CDK4: variants seen among roughly 807,000 people sequenced by gnomAD.
The protein encoded by CDK4 is cyclin dependent kinase 4, also known as cyclin-dependent kinase 4.
In CDK4, 13 loss-of-function variants were observed where a neutral mutation model predicts 36.7. The ratio of observed to expected loss-of-function variants is 0.35; its 90% CI spans 0.23 to 0.56. The LOEUF is 0.56. Among genes scored for constraint, CDK4 ranks in the 20% least tolerant of loss-of-function variants. The probability of loss-of-function intolerance (pLI) is 0.85; values close to 1 mark genes in which losing one functional copy is unlikely to be tolerated. For missense variants in CDK4, 285 were observed against 387.3 expected (o/e 0.74, Z 2.22); for synonymous variants, 158 against 146.4 (o/e 1.08, Z -0.57).
At position 57,748,857 on chromosome 12, in the gene CDK4, C is replaced by G. The variant is rs962894078; in HGVS notation, c.820-240G>C. ...AGTAGCTGAGATTACAGGCGTGTGC[C>G]ACCACCCCCGGCTTATTTTTGTACT... On this transcript the variant is annotated intron_variant, in intron 7 of 7. Coordinates refer to ENST00000257904, the MANE Select transcript of CDK4 (RefSeq NM_000075.4). The G allele has an allele frequency of 2.5e-5, 14 of 554,440 alleles. No individual in the cohort carries two copies. In the African/African-American group the frequency reaches 2.6e-4, roughly 10 times the overall value. 34.3% of individuals were successfully genotyped at this position (554,440 alleles called of 1,614,324 possible).
intron 5 of CDK4, chr12:57,750,052 G>A (rs1955215040): frequency 6.2e-6 from 1 of 160,654 alleles, no homozygotes; most frequent in African/African-American, 2.4e-5. Context: ...TACTCAAGAG[G>A]CTGAGATGGG....
intron 7 of CDK4, 164 bp downstream of exon 7, chr12:57,749,018 C>T (rs934245205): frequency 5.4e-6 from 5 of 933,532 alleles, no homozygotes; most frequent in Non-Finnish European, 8.5e-6. Flanking sequence ...GATGGGTTCT[C>T]TTCTATATCC....
chr12:57,749,806 G>C (rs890778836), intron 5 of CDK4: 1 of 441,262 alleles, frequency 2.3e-6, no homozygotes, highest in East Asian at 4.4e-5. Context: ...AGACCATCCT[G>C]GCCAACATGG....
chr12:57,749,541 C>T (rs377641645), intron 5 of CDK4, 37 bp from the exon 6 acceptor site: 23 of 1,597,442 alleles, frequency 1.4e-5, no homozygotes, highest in Non-Finnish European at 2.0e-5. Flanking sequence ...CAGTCATTTT[C>T]AAAGATATCT....
In CDK4 at chr12:57,751,661, T is replaced by C. The variant is rs1403115261; in HGVS notation, c.57A>G (p.Thr19=). The part of the protein sequence containing the change: ...VAEIGVGAYG[T]VYKARDPHSG... ...TGTGGGGATCACGGGCCTTGTACAC[T>C]GTCCCATAGGCACCGACACCAATTT... The change falls in exon 2 of 8, where the codon ACA becomes ACG. Residue 19 remains threonine (T), a synonymous_variant. Coordinates refer to ENST00000257904, the MANE Select transcript of CDK4 (RefSeq NM_000075.4). The surrounding 1 kb of genome is among the most constrained non-coding windows in gnomAD (Gnocchi z 4.5). 6.2e-7 allele frequency: 1 copy of C among 1,614,190 alleles called. No individual in the cohort carries two copies. Among genetic ancestry groups the C allele is most frequent in the Non-Finnish European group, 8.5e-7 (1 of 1,180,046 alleles).
chr12:57,750,651 C>G lies in CDK4; in HGVS notation c.632+5G>C. Reference sequence around the variant, plus strand: ...AAGGTAGTCCAGGGTATGTGGGTCCCATACTTTCGACGAAACATCTCTGCA... The same window carrying G: ...AAGGTAGTCCAGGGTATGTGGGTCCGATACTTTCGACGAAACATCTCTGCA... On this transcript the variant is annotated splice_donor_5th_base_variant and intron_variant, in intron 5 of 7. Transcript: ENST00000257904. 1 of 1,597,954 alleles carries G rather than the reference C, an allele frequency of 6.3e-7. No individual in the cohort carries two copies. The highest frequency in any genetic ancestry group is 8.6e-7 in the Non-Finnish European group (1 of 1,165,194).
Position 57,751,273 on chromosome 12 carries a change from T to C in CDK4, c.288A>G (p.Val96=), listed in dbSNP as rs754092304. The C allele has an allele frequency of 1.9e-6, 3 of 1,614,118 alleles. No individual in the cohort carries two copies. The highest frequency in any genetic ancestry group is 2.5e-6 in the Non-Finnish European group (3 of 1,180,046). Residue 96 remains valine (V), a synonymous_variant, in exon 3 of 8, where the codon GTA becomes GTG. Transcript: ENST00000257904. The surrounding 1 kb of genome is among the most constrained non-coding windows in gnomAD (Gnocchi z 4.5). Reference sequence around the variant, plus strand: ...CCAGATATGTCCTTAGGTCCTGGTCTACATGCTCAAACACCAGGGTTACCT... The same window carrying C: ...CCAGATATGTCCTTAGGTCCTGGTCCACATGCTCAAACACCAGGGTTACCT... ...EIKVTLVFEH[V]DQDLRTYLDK...
chr12:57,750,196 TAAAA>T (rs2069503), intron 5 of CDK4: 4,049 of 118,774 alleles, frequency 0.034, 66 homozygotes, highest in Middle Eastern at 0.076. Context: ...AATAAATAAA[TAAAA>T]AATAAAGAGA....
Position 57,750,688 on chromosome 12 carries a change from A to G in CDK4, c.600T>C (p.Val200=), listed in dbSNP as rs2140385676. 6.2e-7 allele frequency: 1 copy of G among 1,614,064 alleles called. No homozygotes were observed. Among genetic ancestry groups the G allele is most frequent in the Non-Finnish European group, 8.5e-7 (1 of 1,179,882 alleles). The change falls in exon 5 of 8, where the codon GTT becomes GTC. Residue 200 remains valine, a synonymous_variant. Coordinates refer to ENST00000257904, the MANE Select transcript of CDK4 (RefSeq NM_000075.4). Reference sequence around the variant, plus strand: ...GAAACATCTCTGCAAAGATACAGCCAACACTCCACATGTCCACAGGTGTTG... The same window carrying G: ...GAAACATCTCTGCAAAGATACAGCCGACACTCCACATGTCCACAGGTGTTG... ...TYATPVDMWS[V]GCIFAEMFRR...
In CDK4 at chr12:57,748,235, AG is replaced by A. The variant is rs1291708445; in HGVS notation, c.*289del. Reference sequence around the variant, plus strand: ...GGAAGAAACATTAAAAAAAAAAAAAAGACCATTATTTCTTTGTTTTGTTTTT... The same window carrying A: ...GGAAGAAACATTAAAAAAAAAAAAAAACCATTATTTCTTTGTTTTGTTTTT... On this transcript the variant is annotated 3_prime_UTR_variant, in exon 8 of 8. Coordinates refer to ENST00000257904, the MANE Select transcript of CDK4 (RefSeq NM_000075.4). 1 of 376,292 alleles carries A rather than the reference AG, an allele frequency of 2.7e-6. No individual in the cohort carries two copies. The highest frequency in any genetic ancestry group is 3.2e-5 in the South Asian group (1 of 31,508). The allele number at this position is 376,292 out of a possible 1,614,324, so 23.3% of individuals were successfully genotyped here.
At chr12:57,749,139 CAGTCTCTATTTCTTTCCCT>C in intron 7 of CDK4, 24 bp downstream of exon 7, 1 of 1,613,170 alleles carries the variant, frequency 6.2e-7, no homozygotes, top group Non-Finnish European at 8.5e-7. Context: ...TTTCTTTCCC[CAGTCTCTATTTCTTTCCCT>C]GTGCCCACAG....
Position 57,749,266 on chromosome 12 carries a change from GGGCAGGGATACATCTCGA to G in CDK4, c.717_734del (p.Asp241_Arg246del). On this transcript the variant is annotated inframe_deletion, in exon 7 of 8. Transcript: ENST00000257904. The stretch of plus-strand genomic sequence containing the variant: ...GCCCTCTGGGGGGAAAGGCTCCACG[GGGCAGGGATACATCTCGA>G]GGCCAGTCATCCTCTGGAGGCAGCC... The G allele has an allele frequency of 6.2e-7, 1 of 1,614,170 alleles. No individual in the cohort carries two copies. The highest frequency in any genetic ancestry group is 8.5e-7 in the Non-Finnish European group (1 of 1,180,000).
At position 57,749,171 on chromosome 12, in the gene CDK4, A is replaced by G. The variant is rs188641164; in HGVS notation, c.819+11T>C. On this transcript the variant is annotated intron_variant, in intron 7 of 7. Coordinates refer to ENST00000257904, the MANE Select transcript of CDK4 (RefSeq NM_000075.4). ...TATTTCTTTCCCTGTGCCCACAGCC[A>G]TCTCCAGTACCAGCAGCAGCTGTGC... is the stretch of plus-strand genomic sequence containing the variant. 3 of 1,613,924 alleles carry G rather than the reference A, an allele frequency of 1.9e-6. No individual in the cohort carries two copies. In the East Asian group the frequency reaches 6.7e-5, roughly 36 times the overall value.
Position 57,751,903 on chromosome 12 carries a change from C to A in CDK4, c.-19-167G>T, listed in dbSNP as rs1955242384. The A allele has an allele frequency of 4.7e-6, 3 of 632,156 alleles. No individual in the cohort carries two copies. Among genetic ancestry groups the A allele is most frequent in the Admixed American group, 5.4e-5 (2 of 36,984 alleles). The allele number at this position is 632,156 out of a possible 1,614,324, so 39.2% of individuals were successfully genotyped here. ...CGGCCCCAGAGATAACACAATGACT[C>A]AATACCAACCCCTCCAGCCACGTGA... On this transcript the variant is annotated intron_variant, in intron 1 of 7. Coordinates refer to ENST00000257904, the MANE Select transcript of CDK4 (RefSeq NM_000075.4). This position sits in a 1 kb window ranked among gnomAD's most constrained non-coding sequence, Gnocchi z 4.5.
chr12:57,749,386 G>A (rs538378074), intron 6 of CDK4, 68 bp downstream of exon 6: 16 of 1,612,532 alleles, frequency 9.9e-6, no homozygotes, highest in Middle Eastern at 1.7e-4. Flanking sequence ...AGAGCCAGTT[G>A]CCATCCTGGG....
At position 57,749,410 on chromosome 12, in the gene CDK4, G is replaced by A. The variant is rs374401253; in HGVS notation, c.683+44C>T. The A allele has an allele frequency of 1.9e-6, 3 of 1,613,090 alleles. No homozygotes were observed. In the African/African-American group the frequency reaches 4.0e-5, roughly 22 times the overall value. On this transcript the variant is annotated intron_variant, in intron 6 of 7. Coordinates refer to ENST00000257904, the MANE Select transcript of CDK4 (RefSeq NM_000075.4). The stretch of plus-strand genomic sequence containing the variant: ...TGCCATCCTGGGTTCAGCAGAAAGA[G>A]GACTCAGAATAGAAAATCTTTTTCT...
At chr12:57,749,045 A>T in intron 7 of CDK4, 137 bp downstream of exon 7, 1 of 1,114,932 alleles carries the variant, frequency 9.0e-7, no homozygotes, top group Non-Finnish European at 1.4e-6. Flanking sequence ...GTGGGTGGCT[A>T]TTTGCAGCTG....
rs758102242 is a variant in CDK4, at chr12:57,748,475, C to A, written c.*50G>T. The A allele has an allele frequency of 7.4e-7, 1 of 1,350,794 alleles. No homozygotes were observed. Among genetic ancestry groups the A allele is most frequent in the South Asian group, 1.2e-5 (1 of 85,538 alleles). 83.7% of individuals were successfully genotyped at this position (1,350,794 alleles called of 1,614,324 possible). A position where few individuals can be genotyped will look rare whatever the true frequency, so the allele number is the denominator to read the frequency against. On this transcript the variant is annotated 3_prime_UTR_variant, in exon 8 of 8. Transcript: ENST00000257904. ...AGGCAAAGATTGCCCTCTCAGTGTCCAGAAGGGAAATGGCAGCTTTTCTTC... is the reference window on the plus strand; with the variant it reads ...AGGCAAAGATTGCCCTCTCAGTGTCAAGAAGGGAAATGGCAGCTTTTCTTC...
Position 57,752,217 on chromosome 12 carries a change from G to A in CDK4, c.-62C>T. ...TGCTGTGGGGGCGGCCCGTTATCGG[G>A]GCCCCGGAGCCGGTTCCTACGGCCC... On this transcript the variant is annotated 5_prime_UTR_variant, in exon 1 of 8. Transcript: ENST00000257904. 1 of 249,524 alleles carries A rather than the reference G, an allele frequency of 4.0e-6. No individual in the cohort carries two copies. Among genetic ancestry groups the A allele is most frequent in the Non-Finnish European group, 7.9e-6 (1 of 126,684 alleles). 15.5% of individuals were successfully genotyped at this position (249,524 alleles called of 1,614,324 possible).
Sources: allele counts gnomAD v4.1 joint callset, GRCh38; gene constraint gnomAD v4.1.1; non-coding constraint Gnocchi (gnomAD v3.1); transcripts MANE v1.5; gene names NCBI Gene and HGNC (gene_info 2026-07-23, HGNC 2026-07-21).